ZNF518A: variants seen among roughly 807,000 people sequenced by gnomAD.
The protein encoded by ZNF518A is zinc finger protein 518A.
A neutral mutation model predicts 102.7 loss-of-function variants in ZNF518A; 47 were observed. The observed-to-expected ratio is 0.46, with a 90% CI of 0.36 to 0.58. ZNF518A has a LOEUF of 0.58. ZNF518A is among the 20% of genes least tolerant of loss of function. The pLI is 0.00. For synonymous variants in ZNF518A, 652 were observed against 594.6 expected, an observed-to-expected ratio of 1.10 and a Z score of -1.40; for missense variants, 1,793 against 1,699.8, an observed-to-expected ratio of 1.05 and a Z score of -0.96.
intron 1 of ZNF518A, among the ~76,000 whole-genome samples, chr10:96,169,755 A>C (rs2083162756): frequency 6.6e-6 from 1 of 152,218 alleles, no homozygotes; most frequent in Non-Finnish European, 1.5e-5. Flanking sequence ...ATTTAAAAGT[A>C]TGAATTTTGT....
chr10:96,156,929 G>A lies in ZNF518A; in HGVS notation c.607G>A (p.Val203Ile), dbSNP rs782239540. ...LTKHFTSTHC[V>I]NGNFQCEKCK... The stretch of plus-strand genomic sequence containing the variant: ...AAAGCATTTCACATCCACACATTGT[G>A]TTAATGGTAATTTTCAATGTGAAAA... The change falls in exon 6 of 6, where the codon GTT (valine) becomes ATT (isoleucine). Residue 203 changes from valine (V) to isoleucine (I), a missense_variant. Around this residue, in one of 3 missense-constraint regions of ZNF518A, gnomAD observed 1,741 missense variants for 1,622.6 expected, o/e 1.07. Transcript: ENST00000316045. 2 of 1,613,856 alleles carry A rather than the reference G, an allele frequency of 1.2e-6. No homozygotes were observed. The highest frequency in any genetic ancestry group is 2.2e-5 in the South Asian group (2 of 91,070).
At chr10:96,142,281 C>G (rs1240976453) in intron 3 of ZNF518A, among the ~76,000 whole-genome samples, 3 of 149,796 alleles carry the variant, frequency 2.0e-5, no homozygotes, top group Non-Finnish European at 4.4e-5. Flanking sequence ...AAAATAGATT[C>G]TGCTTTGAAA....
Position 96,157,135 on chromosome 10 carries a change from C to A in ZNF518A, c.813C>A (p.Ala271=), listed in dbSNP as rs185155109. 6.2e-7 allele frequency: 1 copy of A among 1,613,622 alleles called. No individual in the cohort carries two copies. The highest frequency in any genetic ancestry group is 1.3e-5 in the African/African-American group (1 of 74,984). Residue 271 remains alanine, a synonymous_variant, in exon 6 of 6, where the codon GCC becomes GCA. Coordinates refer to ENST00000316045, the MANE Select transcript of ZNF518A (RefSeq NM_001330736.2). The part of the protein sequence containing the change: ...PFTCQYCSYG[A]TRREHLVRHV... ...CTTGTCAATATTGTAGCTATGGTGC[C>A]ACCAGGAGAGAACACCTTGTAAGAC...
Position 96,163,026 on chromosome 10 carries a change from A to G in ZNF518A, c.*2252A>G, listed in dbSNP as rs1057218074. Reference sequence around the variant, plus strand: ...TCTGTTTGTTACATATAGATCTGTTATGAGACATCACCTGCTGTAAATAGC... The same window carrying G: ...TCTGTTTGTTACATATAGATCTGTTGTGAGACATCACCTGCTGTAAATAGC... On this transcript the variant is annotated 3_prime_UTR_variant, in exon 6 of 6. Coordinates refer to ENST00000316045, the MANE Select transcript of ZNF518A (RefSeq NM_001330736.2). The G allele has an allele frequency of 1.8e-5, 3 of 167,012 alleles. No individual in the cohort carries two copies. The highest frequency in any genetic ancestry group is 6.5e-5 in the Admixed American group (1 of 15,280). 10.3% of individuals were successfully genotyped at this position (167,012 alleles called of 1,614,324 possible). A position where few individuals can be genotyped will look rare whatever the true frequency, so the allele number is the denominator to read the frequency against.
chr10:96,158,983 A>G lies in ZNF518A; in HGVS notation c.2661A>G (p.Leu887=). 1 of 1,613,652 alleles carries G rather than the reference A, an allele frequency of 6.2e-7. No individual in the cohort carries two copies. The highest frequency in any genetic ancestry group is 1.3e-5 in the African/African-American group (1 of 75,046). The change falls in exon 6 of 6, where the codon TTA becomes TTG. Residue 887 remains leucine, a synonymous_variant. Transcript: ENST00000316045. ...KMPRISGFGT[L]LKTQSDAIIT... ...CTAGAATTTCAGGTTTTGGCACATT[A>G]CTTAAGACTCAGTCAGATGCGATAA...
intron 1 of ZNF518A, chr10:96,199,447 G>A: frequency 2.2e-6 from 1 of 454,318 alleles, no homozygotes; most frequent in South Asian, 1.6e-5. Flanking sequence ...CTCCTCAGTG[G>A]AGCTCATGCA....
At chr10:96,174,192 G>A (rs1017565907) in intron 1 of ZNF518A, among the ~76,000 whole-genome samples, 1 of 150,994 alleles carries the variant, frequency 6.6e-6, no homozygotes, top group Non-Finnish European at 1.5e-5. Context: ...TAACTTTTAT[G>A]TATACTTACC....
chr10:96,153,711 T>C (rs1392286193), intron 3 of ZNF518A, among the ~76,000 whole-genome samples: 1 of 152,206 alleles, frequency 6.6e-6, no homozygotes, highest in Non-Finnish European at 1.5e-5. Context: ...CCAATGAAGC[T>C]TTTGAACCCC....
rs1554882672 is a variant in ZNF518A, at chr10:96,156,699, A to G, written c.377A>G (p.Asp126Gly). 1.9e-6 allele frequency: 3 copies of G among 1,613,678 alleles called. No homozygotes were observed. Among genetic ancestry groups the G allele is most frequent in the East Asian group, 4.5e-5 (2 of 44,862 alleles). Residue 126 changes from aspartate (D) to glycine (G), a missense_variant, in exon 6 of 6, where the codon GAC (aspartate) becomes GGC (glycine). Physicochemically the swap from Asp to Gly is moderately conservative, Grantham distance 94. This residue lies in a region of ZNF518A where 1,741 missense variants were observed against 1,622.6 expected (regional missense o/e 1.07). Coordinates refer to ENST00000316045, the MANE Select transcript of ZNF518A (RefSeq NM_001330736.2). ...AATTTCAGCTGTTTAAAATGCCGAG[A>G]CAACACTCGATATAGCCCAAATGAT... Reference protein sequence around the residue: ...ILNFSCLKCRDNTRYSPNDLQ... With the variant: ...ILNFSCLKCRGNTRYSPNDLQ...
intron 1 of ZNF518A, among the ~76,000 whole-genome samples, chr10:96,185,590 G>T (rs1045912016): frequency 6.6e-6 from 1 of 152,206 alleles, no homozygotes; most frequent in Non-Finnish European, 1.5e-5. Flanking sequence ...GCTGGAGTTT[G>T]CTGGAGGTCC....
intron 1 of ZNF518A, among the ~76,000 whole-genome samples, chr10:96,185,496 T>C (rs2083266656): frequency 6.6e-6 from 1 of 152,208 alleles, no homozygotes; most frequent in Non-Finnish European, 1.5e-5. Flanking sequence ...GGTTTTGGTG[T>C]GGATGTTCTT....
intron 3 of ZNF518A, among the ~76,000 whole-genome samples, chr10:96,140,915 G>C (rs1161274410): frequency 6.6e-6 from 1 of 152,238 alleles, no homozygotes; most frequent in East Asian, 1.9e-4. Flanking sequence ...CAGCACTTCA[G>C]CCTGGGAGAC....
Position 96,159,016 on chromosome 10 carries a change from G to A in ZNF518A, c.2694G>A (p.Gln898=), listed in dbSNP as rs781854931. 2 of 1,613,604 alleles carry A rather than the reference G, an allele frequency of 1.2e-6. No homozygotes were observed. The highest frequency in any genetic ancestry group is 1.1e-5 in the South Asian group (1 of 91,060). ...CTCAGTCAGATGCGATAATAACACA[G>A]CAGCTTGTAAAAGACAAACTACGAG... ...LKTQSDAIIT[Q]QLVKDKLRAT... Residue 898 remains glutamine, a synonymous_variant, in exon 6 of 6, where the codon CAG becomes CAA. Transcript: ENST00000316045.
At chr10:96,188,700 T>TTTGAGAAA (rs2083287079) in intron 1 of ZNF518A, among the ~76,000 whole-genome samples, 1 of 152,162 alleles carries the variant, frequency 6.6e-6, no homozygotes, top group Admixed American at 6.5e-5. Context: ...ATGGTTTTCC[T>TTTGAGAAA]AAAAGGAGAA....
downstream of ZNF518A, among the ~76,000 whole-genome samples, chr10:96,168,512 CT>C (rs200586204): frequency 6.7e-6 from 1 of 149,308 alleles, no homozygotes; most frequent in African/African-American, 2.5e-5. Flanking sequence ...CTCCCTTTAG[CT>C]TTTTTTTTCT....
At position 96,157,920 on chromosome 10, in the gene ZNF518A, T is replaced by C. The variant is rs782561145; in HGVS notation, c.1598T>C (p.Leu533Ser). The part of the protein sequence containing the change: ...GKASSEKEMT[L>S]ISQRNNMLQT... ...GCAAGTTCAGAAAAAGAAATGACTT[T>C]GATATCTCAAAGGAATAATATGCTT... The change falls in exon 6 of 6, where the codon TTG becomes TCG. Residue 533 changes from leucine (L) to serine (S), a missense_variant. Physicochemically the swap from Leu to Ser is moderately radical, Grantham distance 145 (BLOSUM62 -2). Around this residue, in one of 3 missense-constraint regions of ZNF518A, gnomAD observed 1,741 missense variants for 1,622.6 expected, o/e 1.07. Transcript: ENST00000316045. 5.0e-6 allele frequency: 8 copies of C among 1,613,714 alleles called. No homozygotes were observed. In the Admixed American group the frequency reaches 1.0e-4, roughly 20 times the overall value.
intron 1 of ZNF518A, among the ~76,000 whole-genome samples, chr10:96,181,558 A>G (rs188620001): frequency 1.6e-3 from 237 of 152,308 alleles, no homozygotes; most frequent in African/African-American, 5.7e-3. Context: ...TCAGCTTTCT[A>G]TATATGGCTC....
At chr10:96,140,422 A>G (rs2081859197) in intron 3 of ZNF518A, among the ~76,000 whole-genome samples, 1 of 152,250 alleles carries the variant, frequency 6.6e-6, no homozygotes, top group African/African-American at 2.4e-5. Flanking sequence ...ATGTTCTCCC[A>G]GCAAATAGCA....
chr10:96,180,617 A>G lies in ZNF518A; in HGVS notation n.36-22957A>G, dbSNP rs587726119. ...GTGTTAGGTTTTCTGTCCTTGCGAT[A>G]GTTTGCTCAGAATGATGGTTTCCAT... On this transcript the variant is annotated intron_variant and non_coding_transcript_variant, in intron 1 of 2. Coordinates refer to the ZNF518A transcript ENST00000442635. Among the ~76,000 whole-genome samples the G allele has an allele frequency of 4.0e-5, 6 of 151,868 alleles. No individual in the cohort carries two copies. In the East Asian group the frequency reaches 1.2e-3, roughly 30 times the overall value.
Sources: gnomAD v4.1 joint callset for allele counts (sites outside exome capture counted in the v4.1 genomes callset) on GRCh38, gnomAD v4.1.1 for gene constraint, gnomAD v4.1.1 regional missense constraint, MANE v1.5 for transcripts, NCBI Gene and HGNC (gene_info 2026-07-23, HGNC 2026-07-21) for gene names.